RHBDL2: variants seen among roughly 807,000 people sequenced by gnomAD.
RHBDL2 encodes the protein rhomboid like 2.
Under a neutral mutation model 31.7 loss-of-function variants are expected in RHBDL2, and 26 were observed. That is an observed-to-expected ratio of 0.82 (90% CI 0.60 to 1.14). The LOEUF is 1.14. RHBDL2 is among the 50% of genes most tolerant of loss of function. The pLI is 0.00. For synonymous variants in RHBDL2, 123 were observed against 127.2 expected, an observed-to-expected ratio of 0.97 and a Z score of 0.22; for missense variants, 336 against 364.4, an observed-to-expected ratio of 0.92 and a Z score of 0.63.
At chr1:38,934,854 AG>A (rs2124355865) in intron 1 of RHBDL2, among the ~76,000 whole-genome samples, 1 of 151,840 alleles carries the variant, frequency 6.6e-6, no homozygotes, top group Admixed American at 6.6e-5. Context: ...GCTATTTGAG[AG>A]ACTGAGGCAG....
intron 4 of RHBDL2, among the ~76,000 whole-genome samples, chr1:38,905,111 G>A (rs946312894): frequency 6.6e-6 from 1 of 151,702 alleles, no homozygotes; most frequent in Non-Finnish European, 1.5e-5. Context: ...AGAGAATAAG[G>A]CCAGGCACGG....
Position 38,896,024 on chromosome 1 carries a change from C to A in RHBDL2, c.554G>T (p.Gly185Val). ...CAGAGCATAGACTCCTCCTGAAGCT[C>A]CCACAAGATATCTGAGTGGGTCAAA... is the stretch of plus-strand genomic sequence containing the variant. ...SIFDPLRYLV[G>V]ASGGVYALMG... Residue 185 changes from glycine (G) to valine (V), a missense_variant, in exon 5 of 8, where the codon GGA becomes GTA. By Grantham distance (109) the Gly-to-Val change is moderately radical. Transcript: ENST00000372990. 6.2e-7 allele frequency: 1 copy of A among 1,613,832 alleles called. No homozygotes were observed. Among genetic ancestry groups the A allele is most frequent in the South Asian group, 1.1e-5 (1 of 91,064 alleles).
In RHBDL2 at chr1:38,890,918, A is replaced by G. The variant is rs535163417; in HGVS notation, c.670+2246T>C. Among the ~76,000 whole-genome samples, 31 of 152,224 alleles carry G rather than the reference A, an allele frequency of 2.0e-4. No individual in the cohort carries two copies. The South Asian group carries it at 6.0e-3, about 30-fold the overall frequency. On this transcript the variant is annotated intron_variant, in intron 6 of 7. Coordinates refer to ENST00000372990, the MANE Select transcript of RHBDL2 (RefSeq NM_017821.5). Reference sequence around the variant, plus strand: ...TATGTTTCACAGGATGGTCTCAAACATAATGCTTGATGAAGGAATGTTTTT... The same window carrying G: ...TATGTTTCACAGGATGGTCTCAAACGTAATGCTTGATGAAGGAATGTTTTT...
At chr1:38,905,802 T>A (rs1169276527) in intron 4 of RHBDL2, among the ~76,000 whole-genome samples, 1 of 149,730 alleles carries the variant, frequency 6.7e-6, no homozygotes, top group Non-Finnish European at 1.5e-5. Context: ...GCATAGTTGC[T>A]CACACCTCTA....
In RHBDL2 at chr1:38,938,744, C is replaced by G. The variant is rs549004028; in HGVS notation, c.-126+2938G>C. Reference sequence around the variant, plus strand: ...ACATGCTTAGCATTGTGTTAGGCACCGAGGATGCATGGTAGAATTAAATGC... The same window carrying G: ...ACATGCTTAGCATTGTGTTAGGCACGGAGGATGCATGGTAGAATTAAATGC... On this transcript the variant is annotated intron_variant, in intron 1 of 7. Coordinates refer to ENST00000372990, the MANE Select transcript of RHBDL2 (RefSeq NM_017821.5). 8.5e-5 allele frequency among the ~76,000 whole-genome samples: 13 copies of G among 152,280 alleles called. 1 individual carries two copies. In the South Asian group the frequency reaches 2.7e-3, roughly 32 times the overall value.
At chr1:38,888,164 C>G in intron 6 of RHBDL2, 140 bp from the exon 7 acceptor site, 1 of 596,982 alleles carries the variant, frequency 1.7e-6, no homozygotes, top group South Asian at 2.3e-5. Context: ...TCTAAGAGAT[C>G]TTTTAACTCA....
intron 4 of RHBDL2, among the ~76,000 whole-genome samples, chr1:38,899,293 G>A (rs1642959102): frequency 6.6e-6 from 1 of 152,204 alleles, no homozygotes; most frequent in South Asian, 2.1e-4. Context: ...GACAACCAGA[G>A]GGGGGCCAGG....
chr1:38,902,814 A>G (rs1005696904), intron 4 of RHBDL2, among the ~76,000 whole-genome samples: 6 of 152,056 alleles, frequency 3.9e-5, no homozygotes, highest in African/African-American at 1.2e-4. Flanking sequence ...AACCTCCCAA[A>G]GTGCTGGGAT....
intron 1 of RHBDL2, among the ~76,000 whole-genome samples, chr1:38,931,101 C>T (rs911837613): frequency 2.0e-5 from 3 of 152,140 alleles, no homozygotes; most frequent in African/African-American, 7.2e-5. Context: ...GAGTTCACCC[C>T]GGATCAACAG....
intron 4 of RHBDL2, among the ~76,000 whole-genome samples, chr1:38,904,212 T>G (rs575115656): frequency 2.0e-5 from 3 of 152,188 alleles, no homozygotes; most frequent in Non-Finnish European, 4.4e-5. Flanking sequence ...GGCTCACGCC[T>G]GTAATCCCAG....
chr1:38,929,271 G>A (rs1643413526), intron 1 of RHBDL2: 4 of 551,814 alleles, frequency 7.2e-6, no homozygotes, highest in Non-Finnish European at 1.2e-5. Flanking sequence ...ACCCCTGGGA[G>A]AAGATGGGGC....
chr1:38,901,421 C>A (rs1642986819), intron 4 of RHBDL2, among the ~76,000 whole-genome samples: 1 of 138,720 alleles, frequency 7.2e-6, no homozygotes, highest in African/African-American at 2.8e-5. Context: ...AAGATCGCAC[C>A]ATTGCACTCC....
At chr1:38,918,695 T>C (rs1643269916) in intron 2 of RHBDL2, among the ~76,000 whole-genome samples, 1 of 152,038 alleles carries the variant, frequency 6.6e-6, no homozygotes, top group African/African-American at 2.4e-5. Flanking sequence ...ACAACTAAAA[T>C]GAAAGGAAGC....
At chr1:38,911,793 C>T (rs1305846478) in intron 3 of RHBDL2, among the ~76,000 whole-genome samples, 1 of 151,900 alleles carries the variant, frequency 6.6e-6, no homozygotes, top group African/African-American at 2.4e-5. Flanking sequence ...GCATGTGCCA[C>T]CACTCCTGGC....
chr1:38,901,988 C>T, intron 4 of RHBDL2, among the ~76,000 whole-genome samples: 1 of 151,512 alleles, frequency 6.6e-6, no homozygotes, highest in Admixed American at 6.6e-5. Context: ...AGAAGACAAA[C>T]AACACAATCA....
chr1:38,921,783 A>AT (rs1251405358), intron 1 of RHBDL2, among the ~76,000 whole-genome samples: 14 of 152,150 alleles, frequency 9.2e-5, no homozygotes, highest in East Asian at 3.9e-4. Context: ...AAGACTGATG[A>AT]TTTTTTTCTA....
intron 2 of RHBDL2, among the ~76,000 whole-genome samples, chr1:38,918,373 A>G (rs1014746411): frequency 1.3e-5 from 2 of 152,162 alleles, no homozygotes; most frequent in Admixed American, 6.5e-5. Flanking sequence ...ACTAGGTGCC[A>G]CGAGGTACAG....
chr1:38,896,334 A>G (rs376734362), intron 4 of RHBDL2, among the ~76,000 whole-genome samples: 35 of 152,332 alleles, frequency 2.3e-4, no homozygotes, highest in African/African-American at 7.2e-4. Flanking sequence ...CAGCAGTGTG[A>G]CTTGAGGAAG....
intron 2 of RHBDL2, among the ~76,000 whole-genome samples, chr1:38,917,276 C>A (rs1441764012): frequency 6.6e-6 from 1 of 152,002 alleles, no homozygotes; most frequent in Non-Finnish European, 1.5e-5. Flanking sequence ...CTCAGCCTCC[C>A]AAAGTGCTGG....
Sources: gnomAD v4.1 joint callset for allele counts (sites outside exome capture counted in the v4.1 genomes callset) on GRCh38, gnomAD v4.1.1 for gene constraint, MANE v1.5 for transcripts, NCBI Gene and HGNC (gene_info 2026-07-23, HGNC 2026-07-21) for gene names.